NCALD: variants seen among roughly 807,000 people sequenced by gnomAD.
NCALD encodes neurocalcin-delta.
In NCALD, 10 loss-of-function variants were observed where a neutral mutation model predicts 18.6. The observed-to-expected ratio is 0.54, with a 90% CI of 0.33 to 0.91. The LOEUF is 0.91. Among genes scored for constraint, NCALD ranks in the 40% least tolerant of loss-of-function variants. The pLI is 0.03. For missense variants in NCALD, 184 were observed against 247.6 expected (o/e 0.74, Z 1.72); for synonymous variants, 88 against 87.4 (o/e 1.01, Z -0.04).
intron 2 of NCALD, among the ~76,000 whole-genome samples, chr8:101,984,021 CTA>C (rs1179544596): frequency 1.3e-5 from 2 of 152,190 alleles, no homozygotes; most frequent in African/African-American, 2.4e-5. Context: ...CTCGAATATG[CTA>C]TGTTTCCTGC....
intron 1 of NCALD, among the ~76,000 whole-genome samples, chr8:102,071,504 T>A (rs951097451): frequency 8.5e-5 from 13 of 152,204 alleles, no homozygotes; most frequent in African/African-American, 3.1e-4. Flanking sequence ...ATAGAAGTTA[T>A]GCAATAAGGT....
chr8:102,063,122 A>T (rs1823900090), intron 1 of NCALD, among the ~76,000 whole-genome samples: 1 of 152,212 alleles, frequency 6.6e-6, no homozygotes, highest in African/African-American at 2.4e-5. Flanking sequence ...AAGCCAATAA[A>T]ACTCAAAATA....
intron 4 of NCALD, among the ~76,000 whole-genome samples, chr8:101,851,255 T>C (rs1163935554): frequency 6.6e-6 from 1 of 151,998 alleles, no homozygotes; most frequent in Non-Finnish European, 1.5e-5. Context: ...AGAAAAGAAG[T>C]GAAGAAATAA....
At chr8:102,108,753 A>G (rs1825554121) in intron 1 of NCALD, among the ~76,000 whole-genome samples, 1 of 152,182 alleles carries the variant, frequency 6.6e-6, no homozygotes, top group Admixed American at 6.5e-5. Flanking sequence ...AAATAGGAAT[A>G]ATAATAATAA....
At position 101,943,983 on chromosome 8, in the gene NCALD, A is replaced by AAAC. The variant is rs1563920260; in HGVS notation, c.-156-28126_-156-28125insGTT. Among the ~76,000 whole-genome samples the AAAC allele has an allele frequency of 9.0e-4, 133 of 147,014 alleles. 1 individual carries two copies. The South Asian group carries it at 0.021, about 23-fold the overall frequency. On this transcript the variant is annotated intron_variant, in intron 2 of 6. Transcript: ENST00000311028. The stretch of plus-strand genomic sequence containing the variant: ...AACAAAAAACAAACAAACAAACAAA[A>AAAC]AAAAACAGAAAAAAACAGGGGCAAC...
At chr8:102,062,968 G>GA (rs889920159) in intron 1 of NCALD, among the ~76,000 whole-genome samples, 18 of 150,566 alleles carry the variant, frequency 1.2e-4, no homozygotes, top group South Asian at 2.1e-4. Flanking sequence ...TCCTTTTAAA[G>GA]AAAAAAAAAT....
chr8:101,831,891 T>C (rs1010410089), intron 4 of NCALD, among the ~76,000 whole-genome samples: 2 of 152,228 alleles, frequency 1.3e-5, no homozygotes, highest in Non-Finnish European at 2.9e-5. Flanking sequence ...ATGGAAACTC[T>C]GCACTGGCTG....
chr8:101,690,823 C>T, intron 3 of NCALD: 1 of 985,400 alleles, frequency 1.0e-6, no homozygotes, highest in South Asian at 4.7e-5. Flanking sequence ...CTTGGCAAGG[C>T]ATGAGGGAAG....
chr8:101,808,387 T>C (rs938391889), intron 4 of NCALD, among the ~76,000 whole-genome samples: 27 of 152,354 alleles, frequency 1.8e-4, no homozygotes, highest in Admixed American at 3.3e-4. Context: ...TTTTTCTCTT[T>C]GATACTATGT....
rs193059053 is a variant in NCALD at position 101,848,920 on chromosome 8, T to C, written c.-20+38221A>G. ...AAAGATACATGCACACGTATGTTCA[T>C]TGCAGCACTATTCACAATAGCAAAG... On this transcript the variant is annotated intron_variant, in intron 4 of 6. Coordinates refer to the NCALD transcript ENST00000311028. Among the ~76,000 whole-genome samples, 11 of 152,312 alleles carry C rather than the reference T, an allele frequency of 7.2e-5. No individual in the cohort carries two copies. In the East Asian group the frequency reaches 1.9e-3, roughly 27 times the overall value.
Position 101,934,505 on chromosome 8 carries a change from C to T in NCALD, c.-156-18647G>A, listed in dbSNP as rs1818688668. 2.0e-5 allele frequency among the ~76,000 whole-genome samples: 3 copies of T among 152,030 alleles called. No individual in the cohort carries two copies. The South Asian group carries it at 6.2e-4, about 32-fold the overall frequency. On this transcript the variant is annotated intron_variant, in intron 2 of 6. Coordinates refer to the NCALD transcript ENST00000311028. Reference sequence around the variant, plus strand: ...AAAGAACAAGCAGAAGAAAAGAGACCCATAAATTAGTCCAGAAAGAAAAAG... The same window carrying T: ...AAAGAACAAGCAGAAGAAAAGAGACTCATAAATTAGTCCAGAAAGAAAAAG...
At chr8:102,008,327 C>A (rs964268003) in intron 2 of NCALD, among the ~76,000 whole-genome samples, 4 of 152,040 alleles carry the variant, frequency 2.6e-5, no homozygotes, top group Non-Finnish European at 4.4e-5. Flanking sequence ...ACTGAGCAAC[C>A]CTTAGGGACA....
intron 1 of NCALD, among the ~76,000 whole-genome samples, chr8:101,775,064 T>C (rs1488600522): frequency 6.6e-6 from 1 of 152,168 alleles, no homozygotes; most frequent in African/African-American, 2.4e-5. Flanking sequence ...TTTTCCCAGT[T>C]GTGTAGTGAT....
rs528272064 is a variant in NCALD, at chr8:101,841,222, T to C, written c.-20+45919A>G. On this transcript the variant is annotated intron_variant, in intron 4 of 6. Transcript: ENST00000311028. ...TGTAGACTGAGGGCTGGTTGGCCAATGTAATGAGACCAGCTTCTGTCACTC... is the reference window on the plus strand; with the variant it reads ...TGTAGACTGAGGGCTGGTTGGCCAACGTAATGAGACCAGCTTCTGTCACTC... Among the ~76,000 whole-genome samples, 6 of 152,308 alleles carry C rather than the reference T, an allele frequency of 3.9e-5. No homozygotes were observed. The South Asian group carries it at 6.2e-4, about 16-fold the overall frequency.
intron 2 of NCALD, among the ~76,000 whole-genome samples, chr8:102,017,113 G>T (rs943983194): frequency 2.0e-5 from 3 of 152,126 alleles, no homozygotes; most frequent in African/African-American, 7.2e-5. Flanking sequence ...TCATGCAAGA[G>T]CTGTCAAACA....
intron 2 of NCALD, among the ~76,000 whole-genome samples, chr8:102,000,994 T>C (rs1821439818): frequency 6.6e-6 from 1 of 152,160 alleles, no homozygotes; most frequent in African/African-American, 2.4e-5. Flanking sequence ...GGAATACAGC[T>C]CCTCACCAGC....
intron 1 of NCALD, among the ~76,000 whole-genome samples, chr8:102,056,520 C>A (rs1346070420): frequency 1.3e-5 from 2 of 152,214 alleles, no homozygotes; most frequent in African/African-American, 4.8e-5. Context: ...CACGATTGAA[C>A]AACTGAATAA....
intron 4 of NCALD, among the ~76,000 whole-genome samples, chr8:101,813,042 T>C (rs1193382566): frequency 6.6e-6 from 1 of 152,118 alleles, no homozygotes; most frequent in East Asian, 1.9e-4. Context: ...GTGCTTTCTG[T>C]GTGGCAGGCA....
chr8:101,858,846 A>G (rs1228321603), intron 4 of NCALD, among the ~76,000 whole-genome samples: 2 of 152,168 alleles, frequency 1.3e-5, no homozygotes, highest in Non-Finnish European at 2.9e-5. Flanking sequence ...CAGAATGACC[A>G]GATACTTGAG....
Sources: gnomAD v4.1 joint callset for allele counts (sites outside exome capture counted in the v4.1 genomes callset) on GRCh38, gnomAD v4.1.1 for gene constraint, MANE v1.5 for transcripts, NCBI Gene and HGNC (gene_info 2026-07-23, HGNC 2026-07-21) for gene names.